Variants in FOLR3 observed in about 807,000 individuals in gnomAD.
The protein encoded by FOLR3 is folate receptor 3 (gamma).
Under a neutral mutation model 20.0 loss-of-function variants are expected in FOLR3, and 9 were observed. That is an observed-to-expected ratio of 0.45 (90% CI 0.27 to 0.79). The LOEUF (loss-of-function observed/expected upper bound fraction) is 0.79, where lower values mean the gene tolerates loss of function less well. FOLR3 is among the 30% of genes least tolerant of loss of function. The probability of loss-of-function intolerance (pLI) is 0.15; values close to 1 mark genes in which losing one functional copy is unlikely to be tolerated. For synonymous variants in FOLR3, 124 were observed against 115.5 expected (o/e 1.07, Z -0.47); for missense variants, 309 against 323.5 (o/e 0.96, Z 0.34).
In FOLR3 at chr11:72,139,607, G is replaced by A. The variant is rs372988226; in HGVS notation, c.514G>A (p.Gly172Arg). The change falls in exon 5 of 5, where the codon GGG becomes AGG. Residue 172 changes from glycine to arginine, a missense_variant. Transcript: ENST00000611028. Reference protein sequence around the residue: ...WTSGINECPAGALCSTFESYF... With the variant: ...WTSGINECPARALCSTFESYF... Reference sequence around the variant, plus strand: ...CTCAGGGATTAATGAGTGTCCGGCCGGGGCCCTCTGCAGCACCTTTGAGTC... The same window carrying A: ...CTCAGGGATTAATGAGTGTCCGGCCAGGGCCCTCTGCAGCACCTTTGAGTC... 139 of 1,613,734 alleles carry A rather than the reference G, an allele frequency of 8.6e-5. No individual in the cohort carries two copies. The highest frequency in any genetic ancestry group is 4.9e-4 in the African/African-American group (37 of 75,000).
In FOLR3 at chr11:72,139,641, C is replaced by G. The variant is rs1947792500; in HGVS notation, c.548C>G (p.Pro183Arg). Residue 183 changes from proline to arginine, a missense_variant, in exon 5 of 5, where the codon CCC (proline) becomes CGC (arginine). Coordinates refer to ENST00000611028, the MANE Select transcript of FOLR3 (RefSeq NM_000804.4). ...TGCAGCACCTTTGAGTCCTACTTCC[C>G]CACTCCAGCCGCCCTTTGTGAAGGC... ...ALCSTFESYF[P>R]TPAALCEGLW... The G allele has an allele frequency of 6.2e-7, 1 of 1,613,476 alleles. No homozygotes were observed. Among genetic ancestry groups the G allele is most frequent in the South Asian group, 1.1e-5 (1 of 91,062 alleles).
chr11:72,139,636 C>A lies in FOLR3; in HGVS notation c.543C>A (p.Tyr181Ter). The change falls in exon 5 of 5, where the codon TAC becomes TAA. Residue 181 changes from tyrosine to a stop codon, truncating the protein, a stop_gained. Transcript: ENST00000611028. LOFTEE classifies it low-confidence loss of function (END_TRUNC). ...CCCTCTGCAGCACCTTTGAGTCCTA[C>A]TTCCCCACTCCAGCCGCCCTTTGTG... ...AGALCSTFES[Y>*]FPTPAALCEG... 1 of 1,613,622 alleles carries A rather than the reference C, an allele frequency of 6.2e-7. No homozygotes were observed. The highest frequency in any genetic ancestry group is 8.5e-7 in the Non-Finnish European group (1 of 1,179,890).
chr11:72,136,817 T>G (rs1424913386), intron 2 of FOLR3, among the ~76,000 whole-genome samples: 5 of 152,206 alleles, frequency 3.3e-5, no homozygotes, highest in Non-Finnish European at 5.9e-5. Context: ...TGATATTTGT[T>G]GAGCCCTTAC....
chr11:72,139,452 A>G lies in FOLR3; in HGVS notation c.463A>G (p.Asn155Asp), dbSNP rs1947788676. Residue 155 changes from asparagine (N) to aspartate (D), a missense_variant, in exon 4 of 5, where the codon AAC becomes GAC. Transcript: ENST00000611028. ...DCRTSYTCKS[N>D]WHKGWNWTSG... ...TCGCACCTCCTACACCTGCAAAAGC[A>G]ACTGGCACAAAGGCTGGAATTGGAC... 8 of 1,613,512 alleles carry G rather than the reference A, an allele frequency of 5.0e-6. No individual in the cohort carries two copies. The highest frequency in any genetic ancestry group is 6.8e-6 in the Non-Finnish European group (8 of 1,179,708).
At chr11:72,138,757 G>A in intron 2 of FOLR3, 1 of 635,052 alleles carries the variant, frequency 1.6e-6, no homozygotes, top group Non-Finnish European at 2.7e-6. Flanking sequence ...GGTCAACAGA[G>A]CAAGACCCTG....
chr11:72,138,290 C>A (rs982850730), intron 2 of FOLR3, among the ~76,000 whole-genome samples: 2 of 151,852 alleles, frequency 1.3e-5, no homozygotes, highest in Non-Finnish European at 2.9e-5. Context: ...TGCTTGAACC[C>A]GGGAGGTGGA....
chr11:72,136,049 C>T lies in FOLR3; in HGVS notation c.97C>T (p.Leu33=). 6.2e-7 allele frequency: 1 copy of T among 1,614,038 alleles called. No individual in the cohort carries two copies. Among genetic ancestry groups the T allele is most frequent in the Non-Finnish European group, 8.5e-7 (1 of 1,179,920 alleles). The change falls in exon 2 of 5, where the codon CTG becomes TTG. Residue 33 remains leucine (L), a synonymous_variant. Coordinates refer to ENST00000611028, the MANE Select transcript of FOLR3 (RefSeq NM_000804.4). ...QPRSARARTD[L]LNVCMNAKHH... ...CAGGAGTGCGCGGGCCAGGACGGAC[C>T]TGCTCAATGTCTGCATGAACGCCAA...
intron 2 of FOLR3, among the ~76,000 whole-genome samples, chr11:72,137,489 A>AT (rs11368822): frequency 0.081 from 11,678 of 143,298 alleles, 571 homozygotes; most frequent in African/African-American, 0.13. Context: ...CTCAGTTATA[A>AT]TTTTTTTTTT....
intron 2 of FOLR3, among the ~76,000 whole-genome samples, chr11:72,136,520 TA>T (rs34653317): frequency 0.086 from 12,417 of 143,980 alleles, 730 homozygotes; most frequent in African/African-American, 0.17. Flanking sequence ...AAATCGGGGT[TA>T]AAAAAAAAAA....
At position 72,136,070 on chromosome 11, in the gene FOLR3, G is replaced by T. The variant is rs576868891; in HGVS notation, c.118G>T (p.Ala40Ser). Residue 40 changes from alanine to serine, a missense_variant, in exon 2 of 5, where the codon GCC (alanine) becomes TCC (serine). By Grantham distance (99) the Ala-to-Ser change is moderately conservative. Transcript: ENST00000611028. ...RTDLLNVCMNAKHHKTQPSPE... is the reference protein window; with the variant it reads ...RTDLLNVCMNSKHHKTQPSPE... ...GGACCTGCTCAATGTCTGCATGAAC[G>T]CCAAGCACCACAAGACACAGCCCAG... The T allele has an allele frequency of 5.0e-6, 8 of 1,613,802 alleles. No individual in the cohort carries two copies. The highest frequency in any genetic ancestry group is 1.1e-5 in the South Asian group (1 of 91,086).
Position 72,139,460 on chromosome 11 carries a change from C to T in FOLR3, c.471C>T (p.His157=). ...RTSYTCKSNW[H]KGWNWTSGIN... The stretch of plus-strand genomic sequence containing the variant: ...CCTACACCTGCAAAAGCAACTGGCA[C>T]AAAGGCTGGAATTGGACCTCAGGTG... Residue 157 remains histidine, a synonymous_variant, in exon 4 of 5, where the codon CAC becomes CAT. Coordinates refer to ENST00000611028, the MANE Select transcript of FOLR3 (RefSeq NM_000804.4). 3.1e-6 allele frequency: 5 copies of T among 1,613,630 alleles called. No homozygotes were observed. The highest frequency in any genetic ancestry group is 4.2e-6 in the Non-Finnish European group (5 of 1,179,724).
rs151190708 is a variant in FOLR3 at position 72,136,105 on chromosome 11, C to T, written c.153C>T (p.Asp51=). 3.6e-3 allele frequency: 5,848 copies of T among 1,614,040 alleles called. 192 individuals carry two copies. The African/African-American group carries it at 0.069, about 19-fold the overall frequency. The change falls in exon 2 of 5, where the codon GAC becomes GAT. Residue 51 remains aspartate, a synonymous_variant. Transcript: ENST00000611028. ...ACAAGACACAGCCCAGCCCCGAGGACGAGCTGTATGGCCAGGTGAGGGCAG... is the reference window on the plus strand; with the variant it reads ...ACAAGACACAGCCCAGCCCCGAGGATGAGCTGTATGGCCAGGTGAGGGCAG... ...KHHKTQPSPE[D]ELYGQCSPWK... is the part of the protein sequence containing the mutation.
At chr11:72,138,886 T>C (rs1947776519) in intron 2 of FOLR3, 75 bp from the exon 3 acceptor site, 1 of 1,564,854 alleles carries the variant, frequency 6.4e-7, no homozygotes, top group Non-Finnish European at 8.7e-7. Flanking sequence ...ATGACCTACC[T>C]GGGGCAGAGG....
At position 72,138,967 on chromosome 11, in the gene FOLR3, C is replaced by T; in HGVS notation, c.175C>T (p.Pro59Ser). Residue 59 changes from proline (P) to serine (S), a missense_variant, in exon 3 of 5, where the codon CCC (proline) becomes TCC (serine). Coordinates refer to ENST00000611028, the MANE Select transcript of FOLR3 (RefSeq NM_000804.4). The stretch of plus-strand genomic sequence containing the variant: ...CTGTGTCTTCCCCACCCAGTGCAGT[C>T]CCTGGAAGAAGAATGCCTGCTGCAC... ...PEDELYGQCS[P>S]WKKNACCTAS... 6.2e-7 allele frequency: 1 copy of T among 1,613,938 alleles called. No homozygotes were observed. Among genetic ancestry groups the T allele is most frequent in the Non-Finnish European group, 8.5e-7 (1 of 1,179,870 alleles).
Position 72,139,769 on chromosome 11 carries a change from G to A in FOLR3, c.676G>A (p.Ala226Thr), listed in dbSNP as rs912972943. 5.6e-6 allele frequency: 9 copies of A among 1,614,002 alleles called. No homozygotes were observed. Among genetic ancestry groups the A allele is most frequent in the Middle Eastern group, 1.6e-4 (1 of 6,078 alleles). The change falls in exon 5 of 5, where the codon GCC (alanine) becomes ACC (threonine). Residue 226 changes from alanine to threonine, a missense_variant. Ala to Thr is a moderately conservative substitution (Grantham distance 58, BLOSUM62 0). Transcript: ENST00000611028. ...SAQGNPNEEV[A>T]KFYAAAMNAG... ...CCAGGGCAACCCCAATGAGGAGGTGGCCAAGTTCTATGCTGCGGCCATGAA... is the reference window on the plus strand; with the variant it reads ...CCAGGGCAACCCCAATGAGGAGGTGACCAAGTTCTATGCTGCGGCCATGAA...
Position 72,136,329 on chromosome 11 carries a change from G to A in FOLR3, c.168+209G>A, listed in dbSNP as rs375507562. ...GAACTCCAGGCTCAGGAGTGTGCTT[G>A]TATTTCATTCCTCTGGTCTCCTGGC... On this transcript the variant is annotated intron_variant, in intron 2 of 4. Coordinates refer to ENST00000611028, the MANE Select transcript of FOLR3 (RefSeq NM_000804.4). Among the ~76,000 whole-genome samples the A allele has an allele frequency of 2.0e-4, 31 of 152,184 alleles. No homozygotes were observed. In the South Asian group the frequency reaches 6.2e-3, roughly 31 times the overall value.
rs1370147982 is a variant in FOLR3, at chr11:72,139,677, A to G, written c.584A>G (p.His195Arg). The G allele has an allele frequency of 7.4e-6, 12 of 1,613,272 alleles. No individual in the cohort carries two copies. Among genetic ancestry groups the G allele is most frequent in the South Asian group, 5.5e-5 (5 of 91,046 alleles). ...GCCCTTTGTGAAGGCCTCTGGAGCC[A>G]CTCCTTCAAGGTCAGCAACTATAGT... is the stretch of plus-strand genomic sequence containing the variant. ...PAALCEGLWS[H>R]SFKVSNYSRG... The change falls in exon 5 of 5, where the codon CAC becomes CGC. Residue 195 changes from histidine to arginine, a missense_variant. Coordinates refer to ENST00000611028, the MANE Select transcript of FOLR3 (RefSeq NM_000804.4).
At chr11:72,135,891 A>G (rs1947735798) in intron 1 of FOLR3, 56 bp from the exon 2 acceptor site, 2 of 1,552,614 alleles carry the variant, frequency 1.3e-6, no homozygotes, top group Non-Finnish European at 1.8e-6. Flanking sequence ...ACACAATCAC[A>G]TGGCTGTTGC....
chr11:72,137,811 A>T (rs2135362324), intron 2 of FOLR3, among the ~76,000 whole-genome samples: 1 of 152,178 alleles, frequency 6.6e-6, no homozygotes, highest in Non-Finnish European at 1.5e-5. Context: ...AATGGGGGTA[A>T]GGATTCGTAC....
Sources: allele counts gnomAD v4.1 joint callset (sites outside exome capture counted in the v4.1 genomes callset), GRCh38; gene constraint gnomAD v4.1.1; transcripts MANE v1.5; gene names NCBI Gene and HGNC (gene_info 2026-07-23, HGNC 2026-07-21).